LRMDA: variants seen among roughly 807,000 people sequenced by gnomAD.
LRMDA encodes the protein leucine rich melanocyte differentiation associated.
In LRMDA, 18 loss-of-function variants were observed where a neutral mutation model predicts 29.8. The observed-to-expected ratio is 0.60, with a 90% confidence interval of 0.42 to 0.90. The LOEUF is 0.90. Ranked by LOEUF, LRMDA falls within the 40% of genes least tolerant of loss-of-function variation. LRMDA has a pLI of 0.00. For synonymous variants in LRMDA, 125 were observed against 109.4 expected (o/e 1.14, Z -0.89); for missense variants, 273 against 273.9 (o/e 1.00, Z 0.02).
At chr10:75,609,324 G>A (rs141582940) in intron 2 of LRMDA, among the ~76,000 whole-genome samples, 245 of 152,328 alleles carry the variant, frequency 1.6e-3, no homozygotes, top group African/African-American at 5.6e-3. Context: ...TGAGTGAAGT[G>A]TCAAGTACTG....
chr10:76,089,841 C>T (rs1308267702), intron 5 of LRMDA, among the ~76,000 whole-genome samples: 1 of 152,186 alleles, frequency 6.6e-6, no homozygotes, highest in Non-Finnish European at 1.5e-5. Context: ...AAAAGTCAAA[C>T]TGTGTAAATA....
At chr10:76,079,892 C>G (rs1849022043) in intron 5 of LRMDA, among the ~76,000 whole-genome samples, 1 of 152,132 alleles carries the variant, frequency 6.6e-6, no homozygotes, top group Admixed American at 6.6e-5. Context: ...CCTTACCTGC[C>G]AGGAATTTGG....
intron 2 of LRMDA, among the ~76,000 whole-genome samples, chr10:75,894,151 C>A (rs1051470573): frequency 6.6e-6 from 1 of 152,010 alleles, no homozygotes; most frequent in African/African-American, 2.4e-5. Context: ...ACACTGCATC[C>A]TATTGTAGTC....
chr10:75,915,572 A>G (rs1845919886), intron 2 of LRMDA, among the ~76,000 whole-genome samples: 1 of 152,194 alleles, frequency 6.6e-6, no homozygotes, highest in Non-Finnish European at 1.5e-5. Context: ...AACAGTTGAG[A>G]GAACTGAGGT....
At chr10:76,249,600 A>G (rs936482779) in intron 5 of LRMDA, among the ~76,000 whole-genome samples, 6 of 152,350 alleles carry the variant, frequency 3.9e-5, no homozygotes, top group Admixed American at 3.3e-4. Context: ...AGACATTGGA[A>G]GGAAAATATT....
intron 5 of LRMDA, among the ~76,000 whole-genome samples, chr10:76,263,854 G>A (rs1839972714): frequency 6.6e-6 from 1 of 152,170 alleles, no homozygotes. Flanking sequence ...TGTCAACTCT[G>A]ATGTCTTCTG....
intron 2 of LRMDA, among the ~76,000 whole-genome samples, chr10:75,682,094 C>G (rs1045556968): frequency 2.0e-5 from 3 of 152,158 alleles, no homozygotes; most frequent in African/African-American, 4.8e-5. Context: ...CCAAGGACTT[C>G]AGAATCTGCC....
At chr10:76,240,704 T>C (rs1310915802) in intron 5 of LRMDA, among the ~76,000 whole-genome samples, 1 of 150,954 alleles carries the variant, frequency 6.6e-6, no homozygotes, top group Non-Finnish European at 1.5e-5. Flanking sequence ...TAACTTGCAA[T>C]TGCATAATAT....
intron 2 of LRMDA, among the ~76,000 whole-genome samples, chr10:75,761,498 CAGAA>C (rs372904897): frequency 1.6e-4 from 24 of 152,034 alleles, no homozygotes; most frequent in African/African-American, 5.5e-4. Context: ...TTCATAGAGA[CAGAA>C]AGAAGCATAG....
intron 2 of LRMDA, among the ~76,000 whole-genome samples, chr10:75,443,228 T>C (rs1844350334): frequency 6.6e-6 from 1 of 152,184 alleles, no homozygotes; most frequent in Non-Finnish European, 1.5e-5. Context: ...TGGCTAGGAC[T>C]TCTATTACCA....
At chr10:76,170,303 C>T (rs1850811540) in intron 5 of LRMDA, among the ~76,000 whole-genome samples, 1 of 152,192 alleles carries the variant, frequency 6.6e-6, no homozygotes, top group African/African-American at 2.4e-5. Flanking sequence ...GCCAAATGGG[C>T]ATGTCTTTAA....
chr10:76,375,544 T>C (rs1841506119), intron 6 of LRMDA, among the ~76,000 whole-genome samples: 1 of 152,202 alleles, frequency 6.6e-6, no homozygotes, highest in African/African-American at 2.4e-5. Context: ...ATATTGGACA[T>C]GGATAACCTA....
rs556211834 is a variant in LRMDA, at chr10:75,605,810, G to T, written c.131+167316G>T. On this transcript the variant is annotated intron_variant, in intron 2 of 6. Coordinates refer to ENST00000611255, the MANE Select transcript of LRMDA (RefSeq NM_001305581.2). ...TGAAGGAGAAAGAGTGATGGCAGCG[G>T]CTGGGAACTGAGTACTCTCTTGCCG... 3.3e-5 allele frequency among the ~76,000 whole-genome samples: 5 copies of T among 152,278 alleles called. No individual in the cohort carries two copies. The South Asian group carries it at 1.0e-3, about 32-fold the overall frequency.
intron 6 of LRMDA, among the ~76,000 whole-genome samples, chr10:76,524,260 G>A (rs1000198829): frequency 3.9e-5 from 6 of 152,198 alleles, no homozygotes; most frequent in African/African-American, 1.4e-4. Flanking sequence ...TGAGGTTGGT[G>A]AAAGACGGCT....
At chr10:76,169,652 C>G in intron 5 of LRMDA, among the ~76,000 whole-genome samples, 1 of 152,190 alleles carries the variant, frequency 6.6e-6, no homozygotes. Context: ...TAGTGGAGGC[C>G]TAATGACAGT....
intron 5 of LRMDA, among the ~76,000 whole-genome samples, chr10:76,230,304 A>G (rs1852034356): frequency 6.6e-6 from 1 of 152,246 alleles, no homozygotes; most frequent in Non-Finnish European, 1.5e-5. Context: ...AAATCAAATT[A>G]CAAATACAGC....
At chr10:75,568,454 G>A (rs1322866733) in intron 2 of LRMDA, among the ~76,000 whole-genome samples, 2 of 152,186 alleles carry the variant, frequency 1.3e-5, no homozygotes, top group African/African-American at 2.4e-5. Context: ...AAAATTAAAT[G>A]TTAGGAGAAA....
At chr10:75,684,566 A>C (rs1052193353) in intron 2 of LRMDA, among the ~76,000 whole-genome samples, 4 of 152,228 alleles carry the variant, frequency 2.6e-5, no homozygotes, top group African/African-American at 9.6e-5. Flanking sequence ...CCTCTTGCCT[A>C]TGAAGTAGTC....
intron 5 of LRMDA, among the ~76,000 whole-genome samples, chr10:76,254,042 G>T (rs1852535585): frequency 1.3e-5 from 2 of 151,976 alleles, no homozygotes; most frequent in Non-Finnish European, 2.9e-5. Context: ...TCCAACAGTA[G>T]ACTTATTTTC....
Sources: allele counts gnomAD v4.1 joint callset (sites outside exome capture counted in the v4.1 genomes callset), GRCh38; gene constraint gnomAD v4.1.1; transcripts MANE v1.5; gene names NCBI Gene and HGNC (gene_info 2026-07-23, HGNC 2026-07-21).